MAP1LC3B: variants seen among roughly 807,000 people sequenced by gnomAD.
The protein encoded by MAP1LC3B is microtubule-associated protein 1 light chain 3 beta.
Under a neutral mutation model 16.7 loss-of-function variants are expected in MAP1LC3B, and 12 were observed. The ratio of observed to expected loss-of-function variants is 0.72; its 90% CI spans 0.46 to 1.16. MAP1LC3B has a LOEUF of 1.16. Among genes scored for constraint, MAP1LC3B ranks in the 50% most tolerant of loss-of-function variants. The pLI, the probability that MAP1LC3B is intolerant of heterozygous loss-of-function variation, is 0.00. For missense variants in MAP1LC3B, 155 were observed against 159.5 expected, an observed-to-expected ratio of 0.97 and a Z score of 0.15; for synonymous variants, 63 against 56.5, an observed-to-expected ratio of 1.11 and a Z score of -0.51.
chr16:87,402,052 G>C (rs1280880624), intron 2 of MAP1LC3B, 123 bp from the exon 3 acceptor site: 5 of 777,906 alleles, frequency 6.4e-6, no homozygotes, highest in East Asian at 2.7e-5. Flanking sequence ...AGCCAGGGTG[G>C]TCTCAGTCTC....
chr16:87,392,496 C>A, intron 1 of MAP1LC3B, 29 bp downstream of exon 1: 1 of 1,292,474 alleles, frequency 7.7e-7, no homozygotes, highest in Non-Finnish European at 9.8e-7. Flanking sequence ...GCGGCGGGTG[C>A]GGCGGGGCCG....
At chr16:87,399,992 T>A (rs1374271467) in intron 2 of MAP1LC3B, 1 of 171,726 alleles carries the variant, frequency 5.8e-6, no homozygotes, top group Non-Finnish European at 1.3e-5. Flanking sequence ...CAGGATGGTC[T>A]TGATCTCTTG....
chr16:87,397,403 G>T (rs1907845102), intron 1 of MAP1LC3B, among the ~76,000 whole-genome samples: 1 of 152,058 alleles, frequency 6.6e-6, no homozygotes, highest in South Asian at 2.1e-4. Flanking sequence ...CGGATCACGA[G>T]GTCAGGAGAT....
intron 1 of MAP1LC3B, among the ~76,000 whole-genome samples, chr16:87,394,804 G>A (rs982620054): frequency 6.6e-6 from 1 of 152,214 alleles, no homozygotes; most frequent in Non-Finnish European, 1.5e-5. Flanking sequence ...GGGGCATGGT[G>A]GCTCACACCT....
chr16:87,402,380 A>G (rs1395741682), intron 3 of MAP1LC3B, 99 bp downstream of exon 3: 2 of 1,145,318 alleles, frequency 1.7e-6, no homozygotes, highest in Non-Finnish European at 2.5e-6. Context: ...TAAAATCTTT[A>G]AAAAATATTT....
At chr16:87,397,394 G>A (rs564988353) in intron 1 of MAP1LC3B, among the ~76,000 whole-genome samples, 19 of 152,052 alleles carry the variant, frequency 1.2e-4, no homozygotes, top group South Asian at 6.2e-4. Flanking sequence ...TGAGGTGGGC[G>A]GATCACGAGG....
At chr16:87,395,892 G>C (rs561514083) in intron 1 of MAP1LC3B, among the ~76,000 whole-genome samples, 1 of 113,636 alleles carries the variant, frequency 8.8e-6, no homozygotes, top group African/African-American at 3.4e-5. Context: ...ACAGGATCTC[G>C]CGCTGTCACC....
At chr16:87,396,290 A>C (rs1319708899) in intron 1 of MAP1LC3B, among the ~76,000 whole-genome samples, 1 of 151,558 alleles carries the variant, frequency 6.6e-6, no homozygotes, top group Admixed American at 6.6e-5. Flanking sequence ...CCTGGCTAAC[A>C]TGATGAAACC....
In MAP1LC3B at chr16:87,392,421, C is replaced by G. The variant is rs776367098; in HGVS notation, c.-7C>G. 4.9e-6 allele frequency: 7 copies of G among 1,430,292 alleles called. No homozygotes were observed. The highest frequency in any genetic ancestry group is 5.4e-6 in the Non-Finnish European group (6 of 1,101,218). The allele number at this position is 1,430,292 out of a possible 1,614,324, so 88.6% of individuals were successfully genotyped here. A position where few individuals can be genotyped will look rare whatever the true frequency, so the allele number is the denominator to read the frequency against. The stretch of plus-strand genomic sequence containing the variant: ...GTCGCCGCCGCCGCCGCCCAGATCC[C>G]TGCACCATGCCGTCGGAGAAGACCT... On this transcript the variant is annotated 5_prime_UTR_variant, in exon 1 of 4. Transcript: ENST00000268607.
intron 1 of MAP1LC3B, among the ~76,000 whole-genome samples, 160 bp from the exon 2 acceptor site, chr16:87,398,655 T>C (rs1232065426): frequency 6.6e-6 from 1 of 152,240 alleles, no homozygotes; most frequent in Non-Finnish European, 1.5e-5. Context: ...TTATCAGGTT[T>C]GAAGTGTTCG....
intron 3 of MAP1LC3B, 132 bp downstream of exon 3, chr16:87,402,413 TCA>T (rs1908027326): frequency 1.2e-6 from 1 of 840,602 alleles, no homozygotes; most frequent in South Asian, 2.1e-5. Context: ...CAGTTCTGAT[TCA>T]GTTATGATTA....
chr16:87,397,909 G>T (rs1273954871), intron 1 of MAP1LC3B, among the ~76,000 whole-genome samples: 1 of 146,974 alleles, frequency 6.8e-6, no homozygotes. Context: ...CTCTCTAACT[G>T]TATTTTTGGG....
intron 1 of MAP1LC3B, among the ~76,000 whole-genome samples, chr16:87,397,904 TA>T (rs1907861690): frequency 6.6e-6 from 1 of 151,464 alleles, no homozygotes; most frequent in African/African-American, 2.5e-5. Context: ...GACTTCTCTC[TA>T]ACTGTATTTT....
intron 1 of MAP1LC3B, among the ~76,000 whole-genome samples, chr16:87,394,025 A>C (rs1907710629): frequency 6.6e-6 from 1 of 152,234 alleles, no homozygotes. Context: ...AAGGGTAGGA[A>C]ATGTGAGACT....
At chr16:87,399,809 T>C (rs1907923227) in intron 2 of MAP1LC3B, 1 of 297,502 alleles carries the variant, frequency 3.4e-6, no homozygotes, top group Admixed American at 4.5e-5. Flanking sequence ...AGTCTTGCTG[T>C]GTCGCCCAGG....
chr16:87,399,676 T>TAAA, intron 2 of MAP1LC3B: 2 of 447,360 alleles, frequency 4.5e-6, no homozygotes, highest in South Asian at 3.2e-5. Context: ...CAGAGGCTCA[T>TAAA]CTGTGGTCAG....
At position 87,404,457 on chromosome 16, in the gene MAP1LC3B, ATTGT is replaced by A. The variant is rs1908105373; in HGVS notation, c.*1362_*1365del. 1.3e-5 allele frequency: 2 copies of A among 151,994 alleles called. No homozygotes were observed. The highest frequency in any genetic ancestry group is 1.3e-4 in the Admixed American group (2 of 15,162). 9.4% of individuals were successfully genotyped at this position (151,994 alleles called of 1,614,324 possible). ...TTCTTTGCATCTGGGCCCTCTACTGATTGTTAAAGGAGTTCCTGTCACCTGCTCC... is the reference window on the plus strand; with the variant it reads ...TTCTTTGCATCTGGGCCCTCTACTGATAAAGGAGTTCCTGTCACCTGCTCC... On this transcript the variant is annotated 3_prime_UTR_variant, in exon 4 of 4. Transcript: ENST00000268607.
intron 1 of MAP1LC3B, 68 bp from the exon 2 acceptor site, chr16:87,398,747 C>T (rs1907888366): frequency 2.9e-6 from 4 of 1,393,534 alleles, no homozygotes; most frequent in Admixed American, 1.7e-5. Context: ...GGATGGAGAA[C>T]CAGCAGCAGT....
intron 1 of MAP1LC3B, among the ~76,000 whole-genome samples, chr16:87,395,497 C>T (rs1051024887): frequency 6.6e-6 from 1 of 152,206 alleles, no homozygotes; most frequent in Non-Finnish European, 1.5e-5. Context: ...ATGCCATTGA[C>T]TGTGCTGTTG....
Sources: gnomAD v4.1 joint callset for allele counts (sites outside exome capture counted in the v4.1 genomes callset) on GRCh38, gnomAD v4.1.1 for gene constraint, MANE v1.5 for transcripts, NCBI Gene and HGNC (gene_info 2026-07-23, HGNC 2026-07-21) for gene names.